CFDP1: variants seen among roughly 807,000 people sequenced by gnomAD.
The protein encoded by CFDP1 is chromatin remodeling protein CFDP1, also known as heterochromatin-stabilizing protein CFDP1.
CFDP1 carries 31 observed loss-of-function variants against 40.1 expected under a neutral mutation model. The observed-to-expected ratio is 0.77, with a 90% CI of 0.58 to 1.04. CFDP1 has a LOEUF of 1.04. CFDP1 is among the 50% of genes least tolerant of loss of function. The pLI, the probability that CFDP1 is intolerant of heterozygous loss-of-function variation, is 0.00. For missense variants in CFDP1, 423 were observed against 343.4 expected, an observed-to-expected ratio of 1.23 and a Z score of -1.83; for synonymous variants, 167 against 120.0, an observed-to-expected ratio of 1.39 and a Z score of -2.56.
intron 6 of CFDP1, among the ~76,000 whole-genome samples, chr16:75,294,910 A>G (rs1262076455): frequency 6.6e-6 from 1 of 152,332 alleles, no homozygotes; most frequent in East Asian, 1.9e-4. Flanking sequence ...GCTAGGAGTG[A>G]GGCTGGCTGC....
intron 4 of CFDP1, among the ~76,000 whole-genome samples, chr16:75,411,111 G>A (rs2079158772): frequency 6.6e-6 from 1 of 152,038 alleles, no homozygotes; most frequent in African/African-American, 2.4e-5. Context: ...CCATCTACTT[G>A]GGAGGCTGAG....
At chr16:75,335,583 G>T in intron 5 of CFDP1, among the ~76,000 whole-genome samples, 1 of 140,434 alleles carries the variant, frequency 7.1e-6, no homozygotes, top group African/African-American at 2.7e-5. Context: ...TTTAGACGGA[G>T]TCTTGCTCTG....
intron 1 of CFDP1, among the ~76,000 whole-genome samples, chr16:75,422,567 G>A (rs1414553381): frequency 6.6e-6 from 1 of 151,132 alleles, no homozygotes; most frequent in South Asian, 2.1e-4. Context: ...GCTGATTTTT[G>A]CATTTTTGGT....
At position 75,425,354 on chromosome 16, in the gene CFDP1, T is replaced by C. The variant is rs1172609024; in HGVS notation, c.64+7935A>G. On this transcript the variant is annotated intron_variant, in intron 1 of 6. Coordinates refer to ENST00000283882, the MANE Select transcript of CFDP1 (RefSeq NM_006324.3). ...GTGAGCAGAGATCGCGCCACTGCAC[T>C]CCAGCCTGGGCAACAGAGTGACACT... 1.9e-4 allele frequency among the ~76,000 whole-genome samples: 24 copies of C among 124,980 alleles called. No individual in the cohort carries two copies. The Admixed American group carries it at 2.2e-3, about 12-fold the overall frequency. 82.0% of individuals were successfully genotyped at this position (124,980 alleles called of 152,430 possible).
chr16:75,383,890 A>AT lies in CFDP1; in HGVS notation c.650+11199dup, dbSNP rs536601135. ...TTATCTCAGTGTTTATAAAATCTAG[A>AT]TTTTTTTACCTGATCTCTTAAATGA... is the stretch of plus-strand genomic sequence containing the variant. On this transcript the variant is annotated intron_variant, in intron 5 of 6. Coordinates refer to ENST00000283882, the MANE Select transcript of CFDP1 (RefSeq NM_006324.3). 5.1e-3 allele frequency among the ~76,000 whole-genome samples: 769 copies of AT among 151,824 alleles called. 11 individuals carry two copies. Among genetic ancestry groups the AT allele is most frequent in the African/African-American group, 0.017 (706 of 41,410 alleles).
chr16:75,423,516 G>T (rs1013690282), intron 1 of CFDP1, among the ~76,000 whole-genome samples: 2 of 150,092 alleles, frequency 1.3e-5, no homozygotes, highest in South Asian at 2.1e-4. Flanking sequence ...GGCGAGGTTG[G>T]TTTTTTTTTG....
At chr16:75,328,650 T>C (rs906856480) in intron 5 of CFDP1, among the ~76,000 whole-genome samples, 4 of 144,802 alleles carry the variant, frequency 2.8e-5, no homozygotes, top group African/African-American at 5.1e-5. Flanking sequence ...CAATAAATAC[T>C]GATAAATAAA....
intron 6 of CFDP1, among the ~76,000 whole-genome samples, chr16:75,296,340 C>A (rs1175600445): frequency 1.3e-5 from 2 of 152,160 alleles, no homozygotes; most frequent in Admixed American, 1.3e-4. Context: ...CAGGCTCAAA[C>A]AATCCTCCTG....
chr16:75,347,896 G>A (rs1292305877), intron 5 of CFDP1, among the ~76,000 whole-genome samples: 1 of 152,060 alleles, frequency 6.6e-6, no homozygotes, highest in Non-Finnish European at 1.5e-5. Context: ...CCCAAATGAA[G>A]ACACACTCTA....
At chr16:75,392,392 G>T (rs954720689) in intron 5 of CFDP1, among the ~76,000 whole-genome samples, 1 of 150,804 alleles carries the variant, frequency 6.6e-6, no homozygotes, top group Admixed American at 6.7e-5. Flanking sequence ...GAAACAGTGC[G>T]AGACTCCAAC....
intron 4 of CFDP1, among the ~76,000 whole-genome samples, chr16:75,397,550 C>A (rs1448960691): frequency 6.6e-6 from 1 of 151,378 alleles, no homozygotes; most frequent in East Asian, 2.0e-4. Context: ...CGCCTGTAAT[C>A]CCAGCACTTT....
Position 75,424,571 on chromosome 16 carries a change from C to T in CFDP1, c.64+8718G>A, listed in dbSNP as rs11862203. ...GAGATCAAGACCATTCTGGCTAACA[C>T]GGTGAAACCCAGTCTCTACTAAAAA... is the stretch of plus-strand genomic sequence containing the variant. On this transcript the variant is annotated intron_variant, in intron 1 of 6. Transcript: ENST00000283882. Among the ~76,000 whole-genome samples the T allele has an allele frequency of 4.1e-3, 628 of 152,058 alleles. 5 individuals are homozygous for T. The highest frequency in any genetic ancestry group is 0.013 in the African/African-American group (560 of 41,488).
intron 1 of CFDP1, among the ~76,000 whole-genome samples, chr16:75,426,459 A>C (rs533314307): frequency 9.3e-4 from 141 of 152,312 alleles, no homozygotes; most frequent in African/African-American, 3.1e-3. Context: ...ATATGATTCC[A>C]AAAGCACAAC....
At chr16:75,420,893 T>C (rs956929611) in intron 1 of CFDP1, among the ~76,000 whole-genome samples, 2 of 152,334 alleles carry the variant, frequency 1.3e-5, no homozygotes, top group African/African-American at 4.8e-5. Context: ...ATTTTCTAAT[T>C]TTCTATAAAG....
chr16:75,374,379 C>T (rs947289097), intron 5 of CFDP1, among the ~76,000 whole-genome samples: 3 of 151,818 alleles, frequency 2.0e-5, no homozygotes, highest in African/African-American at 4.8e-5. Flanking sequence ...AAAATACAAA[C>T]TTCAGGAAAA....
intron 1 of CFDP1, among the ~76,000 whole-genome samples, chr16:75,430,473 T>C (rs867355209): frequency 4.9e-4 from 69 of 141,844 alleles, no homozygotes; most frequent in African/African-American, 1.8e-3. Context: ...ACCTGGCCAC[T>C]TTTTTTTTTT....
rs1253856432 is a variant in CFDP1, at chr16:75,382,472, A to G, written c.650+12618T>C. 5.9e-5 allele frequency among the ~76,000 whole-genome samples: 9 copies of G among 152,348 alleles called. No individual in the cohort carries two copies. In the East Asian group the frequency reaches 1.7e-3, roughly 29 times the overall value. ...GGCTTAGGCTTGCAGGATACTGTGAAACACACAGCTGATCCAAGTTAGCCC... is the reference window on the plus strand; with the variant it reads ...GGCTTAGGCTTGCAGGATACTGTGAGACACACAGCTGATCCAAGTTAGCCC... On this transcript the variant is annotated intron_variant, in intron 5 of 6. Coordinates refer to ENST00000283882, the MANE Select transcript of CFDP1 (RefSeq NM_006324.3).
chr16:75,340,771 C>G (rs2078521426), intron 5 of CFDP1, among the ~76,000 whole-genome samples: 1 of 152,150 alleles, frequency 6.6e-6, no homozygotes, highest in African/African-American at 2.4e-5. Context: ...AAAGAGTTAA[C>G]TTATAAATGA....
At chr16:75,418,185 G>A (rs1214535958) in intron 1 of CFDP1, among the ~76,000 whole-genome samples, 2 of 146,528 alleles carry the variant, frequency 1.4e-5, no homozygotes, top group African/African-American at 2.5e-5. Flanking sequence ...CCTGGGGGGC[G>A]GAGGTTGCGA....
Sources: gnomAD v4.1 joint callset for allele counts (sites outside exome capture counted in the v4.1 genomes callset) on GRCh38, gnomAD v4.1.1 for gene constraint, MANE v1.5 for transcripts, NCBI Gene and HGNC (gene_info 2026-07-23, HGNC 2026-07-21) for gene names.